Variants in EHHADH observed in about 807,000 individuals in gnomAD.
EHHADH encodes the protein enoyl-CoA hydratase and 3-hydroxyacyl CoA dehydrogenase, also known as peroxisomal bifunctional enzyme.
In EHHADH, 48 loss-of-function variants were observed where a neutral mutation model predicts 64.4. The ratio of observed to expected loss-of-function variants is 0.75; its 90% CI spans 0.59 to 0.95. The LOEUF (loss-of-function observed/expected upper bound fraction) is 0.95, where lower values mean the gene tolerates loss of function less well. EHHADH is among the 40% of genes least tolerant of loss of function. EHHADH has a pLI of 0.00. For synonymous variants in EHHADH, 308 were observed against 326.7 expected (o/e 0.94, Z 0.62); for missense variants, 854 against 876.6 (o/e 0.97, Z 0.33).
chr3:185,249,741 G>A (rs748420158), intron 1 of EHHADH, among the ~76,000 whole-genome samples: 17 of 152,080 alleles, frequency 1.1e-4, no homozygotes, highest in Non-Finnish European at 2.4e-4. Flanking sequence ...ACCCAGTCTC[G>A]GATATGTCTT....
intron 1 of EHHADH, 192 bp downstream of exon 1, chr3:185,253,757 A>T: frequency 1.6e-6 from 2 of 1,229,144 alleles, no homozygotes; most frequent in African/African-American, 1.8e-5. Context: ...AAGCTAATCT[A>T]GGTTAAAAAA....
intron 5 of EHHADH, among the ~76,000 whole-genome samples, chr3:185,212,949 G>A (rs976125930): frequency 2.6e-5 from 4 of 151,374 alleles, no homozygotes; most frequent in Non-Finnish European, 4.4e-5. Context: ...GTGAAACCCC[G>A]TCTCTACTAA....
chr3:185,221,638 T>C (rs2108639378), intron 4 of EHHADH, among the ~76,000 whole-genome samples: 1 of 144,110 alleles, frequency 6.9e-6, no homozygotes, highest in Admixed American at 7.5e-5. Flanking sequence ...AGTGGCGCAA[T>C]CTCGGCTCAC....
At chr3:185,215,337 A>G (rs6797722) in intron 5 of EHHADH, among the ~76,000 whole-genome samples, 11,227 of 152,186 alleles carry the variant, frequency 0.074, 511 homozygotes, top group East Asian at 0.22. Flanking sequence ...AAAAGGAACA[A>G]AATATTAATG....
chr3:185,210,109 G>A (rs1418672585), intron 5 of EHHADH, among the ~76,000 whole-genome samples: 2 of 152,154 alleles, frequency 1.3e-5, no homozygotes, highest in Non-Finnish European at 2.9e-5. Flanking sequence ...AGGAAGGCAG[G>A]CTGGGCTGCC....
intron 5 of EHHADH, among the ~76,000 whole-genome samples, chr3:185,207,260 C>G (rs1718421286): frequency 6.6e-6 from 1 of 151,314 alleles, no homozygotes; most frequent in Non-Finnish European, 1.5e-5. Flanking sequence ...TGCACTGCAG[C>G]CTGGGTGACA....
rs375936151 is a variant in EHHADH at position 185,197,246 on chromosome 3, AATTG to A, written c.911-3763_911-3760del. 3.3e-3 allele frequency among the ~76,000 whole-genome samples: 502 copies of A among 152,240 alleles called. 1 individual carries two copies. Among genetic ancestry groups the A allele is most frequent in the African/African-American group, 0.012 (478 of 41,514 alleles). On this transcript the variant is annotated intron_variant, in intron 6 of 6. Transcript: ENST00000231887. The stretch of plus-strand genomic sequence containing the variant: ...CTCTGTCAATATCTAACAACCATTG[AATTG>A]TATTCTTTTTTGGTGATATGCTTAC...
At chr3:185,252,428 GA>G (rs571208640) in intron 1 of EHHADH, among the ~76,000 whole-genome samples, 68 of 132,466 alleles carry the variant, frequency 5.1e-4, no homozygotes, top group South Asian at 2.0e-3. Context: ...AAAAAAAAAA[GA>G]AAAAAAAAAA....
chr3:185,224,888 T>G (rs551132283), intron 4 of EHHADH, among the ~76,000 whole-genome samples: 1 of 152,304 alleles, frequency 6.6e-6, no homozygotes, highest in African/African-American at 2.4e-5. Flanking sequence ...CTGAGCTAGA[T>G]AGTCCAGGGT....
At chr3:185,243,230 C>T (rs1399093480) in intron 2 of EHHADH, among the ~76,000 whole-genome samples, 1 of 152,222 alleles carries the variant, frequency 6.6e-6, no homozygotes, top group East Asian at 1.9e-4. Flanking sequence ...CTGTGTCCTG[C>T]AGGAGCAGTC....
chr3:185,211,895 T>TA (rs1414967629), intron 5 of EHHADH, among the ~76,000 whole-genome samples: 1 of 152,246 alleles, frequency 6.6e-6, no homozygotes, highest in Non-Finnish European at 1.5e-5. Flanking sequence ...CCAAGGTCTT[T>TA]AGGCAGAATT....
intron 5 of EHHADH, among the ~76,000 whole-genome samples, chr3:185,213,278 A>G (rs1265626059): frequency 1.3e-5 from 2 of 151,964 alleles, no homozygotes; most frequent in Non-Finnish European, 2.9e-5. Flanking sequence ...CATCAACATC[A>G]CCTAAGCATG....
At chr3:185,193,668 A>T (rs1717978103) in intron 6 of EHHADH, among the ~76,000 whole-genome samples, 181 bp from the exon 7 acceptor site, 1 of 152,202 alleles carries the variant, frequency 6.6e-6, no homozygotes, top group African/African-American at 2.4e-5. Context: ...GAGGATATAA[A>T]AATTAGTCAG....
At chr3:185,235,180 A>T in intron 3 of EHHADH, 110 bp downstream of exon 3, 3 of 1,168,852 alleles carry the variant, frequency 2.6e-6, no homozygotes, top group Non-Finnish European at 3.5e-6. Flanking sequence ...ACTCCATCTC[A>T]AAAAAACAAA....
intron 5 of EHHADH, among the ~76,000 whole-genome samples, chr3:185,208,798 A>G (rs1430712739): frequency 6.6e-6 from 1 of 152,242 alleles, no homozygotes; most frequent in African/African-American, 2.4e-5. Context: ...TTGAATGACT[A>G]AAGAAATTTG....
rs1290398752 is a variant in EHHADH, at chr3:185,246,202, TC to T, written c.178+2211del. 19 of 977,972 alleles carry T rather than the reference TC, an allele frequency of 1.9e-5. No homozygotes were observed. The Admixed American group carries it at 2.9e-4, about 15-fold the overall frequency. The allele number at this position is 977,972 out of a possible 1,614,324, so 60.6% of individuals were successfully genotyped here. A position where few individuals can be genotyped will look rare whatever the true frequency, so the allele number is the denominator to read the frequency against. On this transcript the variant is annotated intron_variant, in intron 2 of 6. Transcript: ENST00000231887. ...ATCAAATATCTTTTTTGTTTTTTTT[TC>T]TTTTTCTTTTGATTAAAGAAGTTCA... is the stretch of plus-strand genomic sequence containing the variant.
chr3:185,223,068 C>T (rs187976283), intron 4 of EHHADH, among the ~76,000 whole-genome samples: 9 of 152,198 alleles, frequency 5.9e-5, no homozygotes, highest in Non-Finnish European at 1.3e-4. Flanking sequence ...TGAAGAATTT[C>T]TTCTATTTTT....
intron 2 of EHHADH, among the ~76,000 whole-genome samples, chr3:185,240,043 T>C (rs1719405534): frequency 6.6e-6 from 1 of 152,184 alleles, no homozygotes; most frequent in Non-Finnish European, 1.5e-5. Context: ...ATCATGGATT[T>C]TGTTTTTTAA....
intron 3 of EHHADH, among the ~76,000 whole-genome samples, chr3:185,230,374 T>G (rs1389814097): frequency 5.3e-5 from 8 of 152,190 alleles, no homozygotes; most frequent in Admixed American, 5.2e-4. Context: ...ATACAGATTT[T>G]CATGGCACCA....
Sources: allele counts gnomAD v4.1 joint callset (sites outside exome capture counted in the v4.1 genomes callset), GRCh38; gene constraint gnomAD v4.1.1; transcripts MANE v1.5; gene names NCBI Gene and HGNC (gene_info 2026-07-23, HGNC 2026-07-21).